The following PINX1 variants were observed in gnomAD, a reference collection of about 807,000 sequenced individuals.
PINX1 encodes PIN2 (TERF1) interacting telomerase inhibitor 1, also known as PIN2/TERF1-interacting telomerase inhibitor 1.
A neutral mutation model predicts 25.4 loss-of-function variants in PINX1; 34 were observed. The observed-to-expected ratio is 1.34, with a 90% CI of 1.02 to 1.78. The LOEUF is 1.78. Among genes scored for constraint, PINX1 ranks in the 40% most tolerant of loss-of-function variants. The pLI is 0.00. For synonymous variants in PINX1, 197 were observed against 147.7 expected, an observed-to-expected ratio of 1.33 and a Z score of -2.42; for missense variants, 592 against 404.9, an observed-to-expected ratio of 1.46 and a Z score of -3.97.
intron 6 of PINX1, among the ~76,000 whole-genome samples, chr8:10,781,867 G>A (rs1222148232): frequency 1.3e-5 from 2 of 152,294 alleles, no homozygotes; most frequent in Admixed American, 6.5e-5. Flanking sequence ...ATCACCTTGT[G>A]AAGATGCCTG....
At chr8:10,790,835 C>T (rs1267645291) in intron 6 of PINX1, among the ~76,000 whole-genome samples, 1 of 152,096 alleles carries the variant, frequency 6.6e-6, no homozygotes, top group Non-Finnish European at 1.5e-5. Context: ...CAGAAGCTCT[C>T]AAGTACACGC....
Position 10,765,473 on chromosome 8 carries a change from T to A in PINX1, c.915A>T (p.Pro305=). ...KRRGKKKLQK[P]VEIAEDATLE... ...GTGTAGCGTCCTCTGCTATCTCTAC[T>A]GGTTTTTGCAGCTTTTTCTTCCCTC... Residue 305 remains proline (P), a synonymous_variant, in exon 7 of 7, where the codon CCA becomes CCT. Coordinates refer to ENST00000314787, the MANE Select transcript of PINX1 (RefSeq NM_017884.6). 6.2e-7 allele frequency: 1 copy of A among 1,613,430 alleles called. No individual in the cohort carries two copies. Among genetic ancestry groups the A allele is most frequent in the Non-Finnish European group, 8.5e-7 (1 of 1,179,886 alleles).
At chr8:10,790,425 G>T (rs1032501970) in intron 6 of PINX1, among the ~76,000 whole-genome samples, 1 of 152,110 alleles carries the variant, frequency 6.6e-6, no homozygotes, top group Non-Finnish European at 1.5e-5. Flanking sequence ...GGCAAGCCAG[G>T]GGGAGGAAGC....
At position 10,782,944 on chromosome 8, in the gene PINX1, T is replaced by C. The variant is rs1586146717; in HGVS notation, c.472-17028A>G. ...AAATAAAGGATATAAATATTTATTC[T>C]GTCTTTCCTATATGCACTGTTCCTC... On this transcript the variant is annotated intron_variant, in intron 6 of 6. Transcript: ENST00000314787. Among the ~76,000 whole-genome samples the C allele has an allele frequency of 3.9e-5, 6 of 152,346 alleles. No individual in the cohort carries two copies. The South Asian group carries it at 1.0e-3, about 26-fold the overall frequency.
intron 6 of PINX1, among the ~76,000 whole-genome samples, chr8:10,769,795 G>A (rs1036516345): frequency 6.6e-6 from 1 of 152,178 alleles, no homozygotes; most frequent in South Asian, 2.1e-4. Context: ...CTTGCTCCCT[G>A]TACCACAGGA....
chr8:10,814,682 T>G (rs893530323), intron 6 of PINX1, among the ~76,000 whole-genome samples: 1 of 152,180 alleles, frequency 6.6e-6, no homozygotes, highest in Non-Finnish European at 1.5e-5. Context: ...TTAGAACGTT[T>G]CAAAAGGAAA....
At chr8:10,775,431 T>TTTTTTTTTTTTTTTTTTTTA (rs1801362298) in intron 6 of PINX1, among the ~76,000 whole-genome samples, 1 of 149,540 alleles carries the variant, frequency 6.7e-6, no homozygotes, top group Non-Finnish European at 1.5e-5. Context: ...TTTTTTTTTT[T>TTTTTTTTTTTTTTTTTTTTA]TTTTTTTTTG....
At chr8:10,825,359 C>T (rs763621695) in intron 5 of PINX1, 1 of 534,758 alleles carries the variant, frequency 1.9e-6, no homozygotes, top group South Asian at 1.4e-5. Context: ...GAACCATCAA[C>T]AGAGACTAGA....
intron 6 of PINX1, among the ~76,000 whole-genome samples, chr8:10,804,884 C>T (rs971932829): frequency 1.5e-4 from 23 of 151,984 alleles, no homozygotes; most frequent in East Asian, 1.2e-3. Flanking sequence ...ATCTACTCAA[C>T]ATCATTCTCA....
intron 6 of PINX1, among the ~76,000 whole-genome samples, chr8:10,819,630 A>T (rs1364553586): frequency 6.6e-6 from 1 of 152,226 alleles, no homozygotes; most frequent in East Asian, 1.9e-4. Flanking sequence ...AGTTCATTCC[A>T]TTGAGGGTGT....
At chr8:10,793,455 T>TA (rs1021463567) in intron 6 of PINX1, among the ~76,000 whole-genome samples, 2 of 152,054 alleles carry the variant, frequency 1.3e-5, no homozygotes, top group Non-Finnish European at 2.9e-5. Flanking sequence ...ATGTGCTATT[T>TA]AAAAAAAATT....
chr8:10,803,155 A>T (rs1447150203), intron 6 of PINX1, among the ~76,000 whole-genome samples: 1 of 152,220 alleles, frequency 6.6e-6, no homozygotes, highest in Admixed American at 6.5e-5. Context: ...CCTATCAACA[A>T]TTAACAAAGT....
chr8:10,777,852 A>T (rs1320428557), intron 6 of PINX1, among the ~76,000 whole-genome samples: 2 of 152,158 alleles, frequency 1.3e-5, no homozygotes, highest in Non-Finnish European at 2.9e-5. Context: ...CTGCTATCAG[A>T]TACTCCGTGG....
chr8:10,806,347 G>A (rs963073740), intron 6 of PINX1, among the ~76,000 whole-genome samples: 4 of 152,204 alleles, frequency 2.6e-5, no homozygotes, highest in South Asian at 2.1e-4. Context: ...ATGACACCAC[G>A]GCCGTACTTA....
At chr8:10,786,045 T>C (rs929783999) in intron 6 of PINX1, among the ~76,000 whole-genome samples, 1 of 152,224 alleles carries the variant, frequency 6.6e-6, no homozygotes, top group Non-Finnish European at 1.5e-5. Flanking sequence ...GCAGTCACTT[T>C]CCTCACTGAG....
intron 6 of PINX1, among the ~76,000 whole-genome samples, chr8:10,781,049 A>G (rs960751164): frequency 6.6e-6 from 1 of 152,200 alleles, no homozygotes; most frequent in Non-Finnish European, 1.5e-5. Flanking sequence ...ATAAATCTAA[A>G]CATTTATAGT....
At chr8:10,797,530 G>C (rs1399264880) in intron 6 of PINX1, among the ~76,000 whole-genome samples, 2 of 152,116 alleles carry the variant, frequency 1.3e-5, no homozygotes, top group Non-Finnish European at 2.9e-5. Context: ...AACAAACAGG[G>C]CCTAAGTCAT....
intron 6 of PINX1, among the ~76,000 whole-genome samples, chr8:10,773,120 G>A (rs1801281595): frequency 6.6e-6 from 1 of 152,138 alleles, no homozygotes. Flanking sequence ...AATATTTACT[G>A]AATAAATGTA....
chr8:10,791,430 A>G (rs1171053113), intron 6 of PINX1, among the ~76,000 whole-genome samples: 2 of 152,174 alleles, frequency 1.3e-5, no homozygotes, highest in Non-Finnish European at 2.9e-5. Context: ...TGACCAGCTT[A>G]GGGATGGCAG....
Sources: allele counts gnomAD v4.1 joint callset (sites outside exome capture counted in the v4.1 genomes callset), GRCh38; gene constraint gnomAD v4.1.1; transcripts MANE v1.5; gene names NCBI Gene and HGNC (gene_info 2026-07-23, HGNC 2026-07-21).